The following ATP7A variants were observed in gnomAD, a reference collection of about 807,000 sequenced individuals.
The protein encoded by ATP7A is ATPase copper transporting alpha.
A neutral mutation model predicts 83.5 loss-of-function variants in ATP7A; 7 were observed. The observed-to-expected ratio is 0.08, with a 90% confidence interval of 0.05 to 0.16. ATP7A has a LOEUF of 0.16. ATP7A is among the 10% of genes least tolerant of loss of function. ATP7A has a pLI of 1.00. For synonymous variants in ATP7A, 354 were observed against 395.2 expected (o/e 0.90, Z 1.24); for missense variants, 940 against 1,120.8 (o/e 0.84, Z 2.30).
intron 2 of ATP7A, among the ~76,000 whole-genome samples, chrX:77,977,242 A>G (rs1466689784): frequency 1.8e-5 from 2 of 111,888 alleles, no homozygotes; most frequent in African/African-American, 6.5e-5. Flanking sequence ...AATTTGATTT[A>G]TCCTCAGATG....
chrX:77,922,213 ATG>A (rs1398849852), intron 1 of ATP7A, among the ~76,000 whole-genome samples: 1 of 107,574 alleles, frequency 9.3e-6, no homozygotes, highest in African/African-American at 3.3e-5. Context: ...TTTGTTAAAA[ATG>A]TGTGTGTTCT....
In ATP7A at chrX:77,969,117, C is replaced by G. The variant is rs182803196; in HGVS notation, c.-21-2504C>G. 3.2e-5 allele frequency: 39 copies of G among 1,210,056 alleles called. No homozygotes were observed. In the East Asian group the frequency reaches 1.1e-3, roughly 34 times the overall value. On this transcript the variant is annotated intron_variant, in intron 1 of 22. Coordinates refer to ENST00000341514, the MANE Select transcript of ATP7A (RefSeq NM_000052.7). The stretch of plus-strand genomic sequence containing the variant: ...TCAGTACACGTTTCCCCTCCTTGAT[C>G]TGGGGAACTATTTCTTCATTCCAGA...
At chrX:78,023,228 G>T (rs2077919970) in intron 14 of ATP7A, among the ~76,000 whole-genome samples, 1 of 112,260 alleles carries the variant, frequency 8.9e-6, no homozygotes, top group South Asian at 3.7e-4. Context: ...TTGCTATTGT[G>T]AAGAGTGCTG....
intron 16 of ATP7A, among the ~76,000 whole-genome samples, chrX:78,032,241 A>G (rs1330251591): frequency 1.8e-5 from 2 of 111,064 alleles, no homozygotes; most frequent in African/African-American, 3.3e-5. Flanking sequence ...ATTATACTCT[A>G]TAGTGTGAGT....
intron 18 of ATP7A, among the ~76,000 whole-genome samples, chrX:78,039,558 T>C (rs2078034451): frequency 8.9e-6 from 1 of 111,797 alleles, no homozygotes; most frequent in Admixed American, 9.5e-5. Context: ...GGTCTTGAAC[T>C]CCTGACCTCA....
At chrX:78,025,739 C>T (rs1677017964) in intron 14 of ATP7A, among the ~76,000 whole-genome samples, 1 of 110,690 alleles carries the variant, frequency 9.0e-6, no homozygotes. Flanking sequence ...GCAGACTTCT[C>T]AGTGGAAATG....
chrX:78,036,414 G>A (rs1341462775), intron 17 of ATP7A, among the ~76,000 whole-genome samples: 1 of 111,150 alleles, frequency 9.0e-6, no homozygotes, highest in African/African-American at 3.3e-5. Flanking sequence ...CCTTTAGTCA[G>A]GAGTGTGCTT....
chrX:77,923,150 C>T (rs1485516836), intron 1 of ATP7A: 2 of 112,375 alleles, frequency 1.8e-5, no homozygotes, highest in Non-Finnish European at 3.8e-5. Context: ...ATGAATATAT[C>T]TGCTGTCTCA....
chrX:78,000,621 TTA>T (rs1329241331), intron 5 of ATP7A, among the ~76,000 whole-genome samples: 1 of 107,184 alleles, frequency 9.3e-6, no homozygotes, highest in Non-Finnish European at 1.9e-5. Context: ...ATAATATATG[TTA>T]TATATAAATA....
chrX:78,022,497 G>GTTTATTTA (rs1266484782), intron 14 of ATP7A, among the ~76,000 whole-genome samples: 1 of 68,746 alleles, frequency 1.5e-5, no homozygotes, highest in African/African-American at 5.6e-5. Flanking sequence ...ATGTTTGTTT[G>GTTTATTTA]TTTGTTTGTT....
intron 2 of ATP7A, among the ~76,000 whole-genome samples, chrX:77,973,575 G>T (rs1275163349): frequency 8.9e-6 from 1 of 112,065 alleles, no homozygotes; most frequent in Non-Finnish European, 1.9e-5. Context: ...TGTTTATTAG[G>T]CATTTGTATA....
At chrX:78,011,740 T>C in intron 9 of ATP7A, 66 bp downstream of exon 9, 1 of 1,029,491 alleles carries the variant, frequency 9.7e-7, no homozygotes, top group Non-Finnish European at 1.4e-6. Context: ...GCAGGCAAGG[T>C]TTATTTTCAG....
rs1214296367 is a variant in ATP7A at position 78,046,703 on chromosome X, G to A, written c.*133G>A. 2.1e-5 allele frequency: 19 copies of A among 884,368 alleles called. No individual in the cohort carries two copies. Among genetic ancestry groups the A allele is most frequent in the South Asian group, 8.7e-5 (4 of 45,822 alleles). The allele number at this position is 884,368 out of a possible 1,213,427, so 72.9% of individuals were successfully genotyped here. ...ATATTAGGGATTCTATTTGAGTTGCGTTTATCTGTTGGCAAAAATATCTTT... is the reference window on the plus strand; with the variant it reads ...ATATTAGGGATTCTATTTGAGTTGCATTTATCTGTTGGCAAAAATATCTTT... On this transcript the variant is annotated 3_prime_UTR_variant, in exon 23 of 23. Transcript: ENST00000341514.
At position 77,997,013 on chromosome X, in the gene ATP7A, G is replaced by A. The variant is rs782084426; in HGVS notation, c.1337-1465G>A. On this transcript the variant is annotated intron_variant, in intron 4 of 22. Coordinates refer to ENST00000341514, the MANE Select transcript of ATP7A (RefSeq NM_000052.7). ...AATAAAGTTCTCACAATCTGAATCA[G>A]TATCTTTCTGAAGTGATTCAATTAA... 5.2e-4 allele frequency among the ~76,000 whole-genome samples: 58 copies of A among 111,397 alleles called. 1 individual carries two copies. Among genetic ancestry groups the A allele is most frequent in the African/African-American group, 1.9e-3 (57 of 30,697 alleles).
chrX:78,004,579 C>A (rs1366888338), intron 6 of ATP7A, among the ~76,000 whole-genome samples: 2 of 107,920 alleles, frequency 1.9e-5, no homozygotes, highest in Non-Finnish European at 3.8e-5. Flanking sequence ...GAAACCCCGC[C>A]TCTACAAAAA....
At chrX:77,980,001 T>C (rs1714000711) in intron 2 of ATP7A, among the ~76,000 whole-genome samples, 1 of 112,158 alleles carries the variant, frequency 8.9e-6, no homozygotes, top group African/African-American at 3.2e-5. Context: ...AATGTGAAGA[T>C]CTTTCTCCGG....
intron 9 of ATP7A, 79 bp downstream of exon 9, chrX:78,011,753 A>T: frequency 2.2e-6 from 2 of 918,751 alleles, no homozygotes; most frequent in Non-Finnish European, 3.2e-6. Context: ...ATTTTCAGCT[A>T]CAAAACTGAT....
At chrX:78,003,476 C>A (rs782765274) in intron 6 of ATP7A, among the ~76,000 whole-genome samples, 1 of 109,906 alleles carries the variant, frequency 9.1e-6, no homozygotes, top group Non-Finnish European at 1.9e-5. Context: ...TGAAAATTAA[C>A]ATTTAAAATA....
intron 22 of ATP7A, 130 bp from the exon 23 acceptor site, chrX:78,046,164 A>C: frequency 6.9e-6 from 5 of 725,426 alleles, no homozygotes; most frequent in Non-Finnish European, 1.0e-5. Flanking sequence ...TTTTCCTACC[A>C]GTGATCACCT....
Sources: gnomAD v4.1 joint callset for allele counts (sites outside exome capture counted in the v4.1 genomes callset) on GRCh38, gnomAD v4.1.1 for gene constraint, MANE v1.5 for transcripts, NCBI Gene and HGNC (gene_info 2026-07-23, HGNC 2026-07-21) for gene names.